Variants in BCLAF3 observed in about 807,000 individuals in gnomAD.
The protein encoded by BCLAF3 is BCLAF1 and THRAP3 family member 3, also known as transient octamer binding factor 1.
BCLAF3 carries 24 observed loss-of-function variants against 51.2 expected under a neutral mutation model. That is an observed-to-expected ratio of 0.47 (90% CI 0.34 to 0.66). The LOEUF (loss-of-function observed/expected upper bound fraction) is 0.66. Among genes scored for constraint, BCLAF3 ranks in the 30% least tolerant of loss-of-function variants. The pLI, the probability that BCLAF3 is intolerant of heterozygous loss-of-function variation, is 0.01. For missense variants in BCLAF3, 465 were observed against 525.1 expected (o/e 0.89, Z 1.12); for synonymous variants, 152 against 176.6 (o/e 0.86, Z 1.10).
At chrX:19,930,634 T>A in intron 10 of BCLAF3, 1 of 213,484 alleles carries the variant, frequency 4.7e-6, no homozygotes, top group Middle Eastern at 6.3e-4. Flanking sequence ...CACACTCCAG[T>A]CTGGGTGACA....
At chrX:19,941,455 A>AT (rs2071042676) in intron 8 of BCLAF3, among the ~76,000 whole-genome samples, 3 of 101,892 alleles carry the variant, frequency 2.9e-5, no homozygotes, top group Admixed American at 2.0e-4. Flanking sequence ...TGTATAAGGT[A>AT]TAAGGAAGGG....
chrX:19,955,825 A>T (rs1293157683), intron 4 of BCLAF3, among the ~76,000 whole-genome samples: 3 of 111,770 alleles, frequency 2.7e-5, no homozygotes, highest in Non-Finnish European at 5.7e-5. Flanking sequence ...TCTAAGTGAA[A>T]CAATTTTTAC....
chrX:19,930,071 C>T, intron 10 of BCLAF3, 131 bp from the exon 11 acceptor site: 2 of 564,477 alleles, frequency 3.5e-6, no homozygotes, highest in South Asian at 7.5e-5. Context: ...GAGACTGAGG[C>T]AGAACTCCTC....
At chrX:19,962,882 T>A (rs1167612335) in intron 4 of BCLAF3, among the ~76,000 whole-genome samples, 3 of 110,629 alleles carry the variant, frequency 2.7e-5, no homozygotes, top group Non-Finnish European at 3.8e-5. Flanking sequence ...GTCATGAGTT[T>A]GAGACCAGCC....
rs762151715 is a variant in BCLAF3 at position 19,967,437 on chromosome X, A to C, written c.42-788T>G. Reference sequence around the variant, plus strand: ...GGTGAAGTTATACTTTAAAGCAGCTACAATGCTCTCCAGGGACAGCACATC... The same window carrying C: ...GGTGAAGTTATACTTTAAAGCAGCTCCAATGCTCTCCAGGGACAGCACATC... On this transcript the variant is annotated intron_variant, in intron 2 of 11. Coordinates refer to ENST00000379682, the MANE Select transcript of BCLAF3 (RefSeq NM_001367774.2). Among the ~76,000 whole-genome samples the C allele has an allele frequency of 7.1e-5, 8 of 111,968 alleles. No homozygotes were observed. The South Asian group carries it at 3.0e-3, about 42-fold the overall frequency.
chrX:19,963,566 T>C (rs1363890926), intron 4 of BCLAF3, among the ~76,000 whole-genome samples: 1 of 111,477 alleles, frequency 9.0e-6, no homozygotes, highest in African/African-American at 3.3e-5. Flanking sequence ...TATGGGTGAT[T>C]CCCCCCCTTT....
intron 8 of BCLAF3, among the ~76,000 whole-genome samples, chrX:19,940,388 T>C (rs2070973073): frequency 9.0e-6 from 1 of 110,636 alleles, no homozygotes; most frequent in African/African-American, 3.3e-5. Flanking sequence ...TAACTCATCA[T>C]CTAGCATTAG....
chrX:19,935,755 G>A, intron 10 of BCLAF3, 54 bp downstream of exon 10: 1 of 962,584 alleles, frequency 1.0e-6, no homozygotes, highest in South Asian at 2.0e-5. Flanking sequence ...TTAAAACATT[G>A]TGTCCAAAGC....
chrX:19,960,924 G>A (rs972096881), intron 4 of BCLAF3, among the ~76,000 whole-genome samples: 15 of 112,111 alleles, frequency 1.3e-4, no homozygotes, highest in Non-Finnish European at 2.8e-4. Context: ...AACTCTGATA[G>A]CCATGAATGC....
intron 10 of BCLAF3, among the ~76,000 whole-genome samples, chrX:19,931,818 T>C (rs5955865): frequency 0.094 from 10,527 of 112,064 alleles, 1,177 homozygotes; most frequent in African/African-American, 0.31. Flanking sequence ...TTAGTAGAGA[T>C]GCTGCGTCTG....
chrX:19,948,602 CA>C (rs1212218058), intron 8 of BCLAF3, among the ~76,000 whole-genome samples: 10 of 102,333 alleles, frequency 9.8e-5, no homozygotes, highest in Admixed American at 3.2e-4. Flanking sequence ...CCCGTCTCTA[CA>C]AAAAAAAAAT....
chrX:19,921,289 C>T (rs2070149557), intron 11 of BCLAF3, among the ~76,000 whole-genome samples: 1 of 111,433 alleles, frequency 9.0e-6, no homozygotes, highest in Non-Finnish European at 1.9e-5. Context: ...GAGAAGACTC[C>T]AAAGCTTCCA....
intron 8 of BCLAF3, among the ~76,000 whole-genome samples, chrX:19,938,463 T>C (rs1422849675): frequency 8.9e-6 from 1 of 112,231 alleles, no homozygotes; most frequent in Admixed American, 9.4e-5. Flanking sequence ...TGGCACAATC[T>C]CGGCTCATTG....
At chrX:19,966,790 A>T in intron 2 of BCLAF3, 141 bp from the exon 3 acceptor site, 1 of 497,330 alleles carries the variant, frequency 2.0e-6, no homozygotes, top group East Asian at 3.6e-5. Context: ...CTACATCTGC[A>T]TTCTAAATTG....
intron 11 of BCLAF3, among the ~76,000 whole-genome samples, chrX:19,925,272 T>C (rs1411841098): frequency 2.7e-5 from 3 of 110,718 alleles, no homozygotes; most frequent in Non-Finnish European, 5.7e-5. Flanking sequence ...TGGCATAGGA[T>C]AGCATAATCA....
intron 7 of BCLAF3, among the ~76,000 whole-genome samples, chrX:19,951,656 A>G (rs2071485158): frequency 9.3e-6 from 1 of 108,090 alleles, no homozygotes; most frequent in South Asian, 4.0e-4. Context: ...GGCCAGGTGC[A>G]GTGGCTCATG....
intron 1 of BCLAF3, chrX:19,985,278 A>T (rs1167281755): frequency 9.0e-6 from 1 of 111,399 alleles, no homozygotes; most frequent in African/African-American, 3.2e-5. Context: ...TTCCAAGGTC[A>T]AAAAACACTT....
intron 11 of BCLAF3, among the ~76,000 whole-genome samples, chrX:19,921,954 G>A (rs976267630): frequency 9.0e-6 from 1 of 110,875 alleles, no homozygotes; most frequent in Non-Finnish European, 1.9e-5. Flanking sequence ...AGTGAGCCGA[G>A]ATCATGCCAT....
intron 7 of BCLAF3, among the ~76,000 whole-genome samples, chrX:19,952,686 T>C (rs1247892657): frequency 1.8e-5 from 2 of 111,903 alleles, no homozygotes; most frequent in Non-Finnish European, 1.9e-5. Flanking sequence ...ATACTTTCCA[T>C]AAGCTTTACA....
Sources: gnomAD v4.1 joint callset for allele counts (sites outside exome capture counted in the v4.1 genomes callset) on GRCh38, gnomAD v4.1.1 for gene constraint, MANE v1.5 for transcripts, NCBI Gene and HGNC (gene_info 2026-07-23, HGNC 2026-07-21) for gene names.